Variants in PCDHA5 observed in about 807,000 individuals in gnomAD.
PCDHA5 encodes protocadherin alpha-5.
Under a neutral mutation model 61.6 loss-of-function variants are expected in PCDHA5, and 43 were observed. That is an observed-to-expected ratio of 0.70 (90% CI 0.55 to 0.90). The LOEUF is 0.90. Among genes scored for constraint, PCDHA5 ranks in the 40% least tolerant of loss-of-function variants. The pLI, the probability that PCDHA5 is intolerant of heterozygous loss-of-function variation, is 0.00. For missense variants in PCDHA5, 1,298 were observed against 1,222.7 expected (o/e 1.06, Z -0.92); for synonymous variants, 627 against 543.9 (o/e 1.15, Z -2.13).
At position 140,830,276 on chromosome 5, in the gene PCDHA5, G is replaced by A. The variant is rs2150184038; in HGVS notation, c.2352+6149G>A. On this transcript the variant is annotated intron_variant, in intron 1 of 3. Transcript: ENST00000529859. The stretch of plus-strand genomic sequence containing the variant: ...GCTGCGGTGCTCGGCGCCACCCACC[G>A]AGGGCGCGTGCACGGCGGACAAGCC... The A allele has an allele frequency of 2.4e-5, 38 of 1,613,712 alleles. No individual in the cohort carries two copies. Among genetic ancestry groups the A allele is most frequent in the East Asian group, 2.2e-4 (10 of 44,876 alleles).
At chr5:140,853,090 A>T in intron 1 of PCDHA5, 2 of 331,170 alleles carry the variant, frequency 6.0e-6, no homozygotes, top group Non-Finnish European at 8.8e-6. Flanking sequence ...CGTGTTAGTC[A>T]GGATGGTCTC....
At chr5:141,005,718 A>T (rs1554260304) in intron 3 of PCDHA5, among the ~76,000 whole-genome samples, 1 of 149,548 alleles carries the variant, frequency 6.7e-6, no homozygotes, top group Non-Finnish European at 1.5e-5. Context: ...AAAAAAAAAA[A>T]AAAAAAAAAA....
chr5:140,990,304 A>C (rs114506238), intron 3 of PCDHA5, among the ~76,000 whole-genome samples: 1 of 152,168 alleles, frequency 6.6e-6, no homozygotes, highest in African/African-American at 2.4e-5. Context: ...CATTGTCTGT[A>C]AAAAACCAAC....
Position 141,010,446 on chromosome 5 carries a change from C to A in PCDHA5, c.*509C>A. On this transcript the variant is annotated 3_prime_UTR_variant, in exon 4 of 4. Coordinates refer to ENST00000529859, the MANE Select transcript of PCDHA5 (RefSeq NM_018908.3). ...AGGCAAGAAAACAAAGACAAATAAA[C>A]AGCGGAAGTTATCAGTATGGAGGGG... 1 of 944,706 alleles carries A rather than the reference C, an allele frequency of 1.1e-6. No homozygotes were observed. The highest frequency in any genetic ancestry group is 1.7e-5 in the African/African-American group (1 of 60,424). The allele number at this position is 944,706 out of a possible 1,614,324, so 58.5% of individuals were successfully genotyped here.
chr5:140,953,110 G>A (rs1384996852), intron 1 of PCDHA5, among the ~76,000 whole-genome samples: 2 of 152,074 alleles, frequency 1.3e-5, no homozygotes, highest in Non-Finnish European at 2.9e-5. Flanking sequence ...ATTTGGGCAG[G>A]GACACAGATC....
intron 1 of PCDHA5, chr5:140,864,637 A>G (rs1554159030): frequency 6.6e-6 from 1 of 152,220 alleles, no homozygotes; most frequent in East Asian, 1.9e-4. Flanking sequence ...AAACAAAACA[A>G]AACAATGTCA....
At chr5:140,882,072 T>C in intron 1 of PCDHA5, 2 of 861,580 alleles carry the variant, frequency 2.3e-6, no homozygotes, top group South Asian at 1.9e-5. Context: ...TTCATGCGCA[T>C]GGTGTCGCTC....
intron 1 of PCDHA5, among the ~76,000 whole-genome samples, chr5:140,880,555 T>C (rs1250449659): frequency 1.3e-5 from 2 of 152,134 alleles, no homozygotes; most frequent in Admixed American, 6.6e-5. Context: ...CTGATGGAAA[T>C]GAGGTTGAGA....
At chr5:140,926,864 T>C in intron 1 of PCDHA5, 1 of 1,522,480 alleles carries the variant, frequency 6.6e-7, no homozygotes, top group South Asian at 1.3e-5. Flanking sequence ...GTGTAGCGTG[T>C]TGGTGGAACG....
chr5:140,869,157 TCTC>T (rs1201897612), intron 1 of PCDHA5: 2 of 1,613,798 alleles, frequency 1.2e-6, no homozygotes, highest in South Asian at 1.1e-5. Context: ...AGCTCTGGCT[TCTC>T]CTCCTCGAAT....
At chr5:140,882,235 A>G (rs782339930) in intron 1 of PCDHA5, 9 of 1,580,864 alleles carry the variant, frequency 5.7e-6, no homozygotes, top group Admixed American at 1.8e-5. Flanking sequence ...CGTTGTATAT[A>G]TTGCAGATAG....
chr5:140,962,370 T>G (rs1554225991), intron 1 of PCDHA5, among the ~76,000 whole-genome samples: 1 of 152,214 alleles, frequency 6.6e-6, no homozygotes, highest in South Asian at 2.1e-4. Flanking sequence ...GCTAGTTTGA[T>G]TTTATCTGTT....
chr5:140,969,587 T>G, intron 1 of PCDHA5: 1 of 850,882 alleles, frequency 1.2e-6, no homozygotes, highest in Non-Finnish European at 1.8e-6. Context: ...AGGATTAGTC[T>G]TAATATTTAA....
intron 1 of PCDHA5, chr5:140,857,948 C>T (rs1160932490): frequency 2.5e-6 from 4 of 1,597,436 alleles, no homozygotes; most frequent in African/African-American, 1.3e-5. Flanking sequence ...CAGTACGACG[C>T]GCGCTCTGGA....
intron 1 of PCDHA5, among the ~76,000 whole-genome samples, chr5:140,932,087 A>G (rs1262295013): frequency 6.6e-6 from 1 of 151,918 alleles, no homozygotes; most frequent in African/African-American, 2.4e-5. Flanking sequence ...TCAGGAAAAC[A>G]TGGTTTTTAT....
At chr5:140,897,381 T>C (rs1258843270) in intron 1 of PCDHA5, among the ~76,000 whole-genome samples, 1 of 136,686 alleles carries the variant, frequency 7.3e-6, no homozygotes, top group Non-Finnish European at 1.5e-5. Flanking sequence ...CCCTTCCCCT[T>C]CCTGTGTCCA....
chr5:140,858,010 C>A, intron 1 of PCDHA5: 2 of 1,596,490 alleles, frequency 1.3e-6, no homozygotes, highest in Middle Eastern at 3.3e-4. Flanking sequence ...AGGACCATGG[C>A]GAGCCGTCGC....
At chr5:140,969,162 C>T in intron 1 of PCDHA5, 1 of 1,614,110 alleles carries the variant, frequency 6.2e-7, no homozygotes, top group Non-Finnish European at 8.5e-7. Flanking sequence ...TGTCTGACAG[C>T]AGGCTCAGGG....
At chr5:140,841,772 C>G (rs1359107093) in intron 1 of PCDHA5, 2 of 1,613,876 alleles carry the variant, frequency 1.2e-6, no homozygotes, top group Admixed American at 3.3e-5. Flanking sequence ...GCCAGACTCT[C>G]GGTTTCCGCT....
Sources: gnomAD v4.1 joint callset for allele counts (sites outside exome capture counted in the v4.1 genomes callset) on GRCh38, gnomAD v4.1.1 for gene constraint, MANE v1.5 for transcripts, NCBI Gene and HGNC (gene_info 2026-07-23, HGNC 2026-07-21) for gene names.